CEP85: variants seen among roughly 807,000 people sequenced by gnomAD.
CEP85 encodes centrosomal protein of 85 kDa.
Under a neutral mutation model 93.7 loss-of-function variants are expected in CEP85, and 58 were observed. The observed-to-expected ratio is 0.62, with a 90% CI of 0.50 to 0.77. The LOEUF (loss-of-function observed/expected upper bound fraction) is 0.77. Among genes scored for constraint, CEP85 ranks in the 30% least tolerant of loss-of-function variants. The pLI is 0.00. For missense variants in CEP85, 868 were observed against 922.0 expected (o/e 0.94, Z 0.76); for synonymous variants, 314 against 338.6 (o/e 0.93, Z 0.80).
At chr1:26,269,060 G>A (rs1436532153) in intron 8 of CEP85, among the ~76,000 whole-genome samples, 1 of 152,068 alleles carries the variant, frequency 6.6e-6, no homozygotes, top group Non-Finnish European at 1.5e-5. Flanking sequence ...AGTCACCCTG[G>A]TCACCTGCTC....
At chr1:26,249,983 T>G (rs2089578239) in intron 3 of CEP85, among the ~76,000 whole-genome samples, 1 of 152,174 alleles carries the variant, frequency 6.6e-6, no homozygotes, top group Non-Finnish European at 1.5e-5. Flanking sequence ...GGGGCTCAAG[T>G]AATCCTCCTG....
intron 8 of CEP85, 113 bp downstream of exon 8, chr1:26,268,748 A>G (rs932243872): frequency 2.1e-5 from 23 of 1,107,642 alleles, no homozygotes; most frequent in Non-Finnish European, 2.8e-5. Flanking sequence ...GGAGAATCCC[A>G]AAGCAGTCAT....
intron 12 of CEP85, 124 bp from the exon 13 acceptor site, chr1:26,276,411 A>G (rs931886703): frequency 2.8e-6 from 2 of 718,792 alleles, no homozygotes; most frequent in South Asian, 1.7e-5. Flanking sequence ...TGGCAGGGGT[A>G]GGGTTGGGGA....
In CEP85 at chr1:26,277,404, G is replaced by A; in HGVS notation, c.*111G>A. ...CTATTCCCAGAGAGGTCTCAGAGGG[G>A]AGGGGAGAGCCTGCATCTGGGGGCC... On this transcript the variant is annotated 3_prime_UTR_variant, in exon 14 of 14. Coordinates refer to ENST00000451429, the MANE Select transcript of CEP85 (RefSeq NM_001319944.2). 9.2e-7 allele frequency: 1 copy of A among 1,088,352 alleles called. No individual in the cohort carries two copies. The highest frequency in any genetic ancestry group is 1.3e-6 in the Non-Finnish European group (1 of 753,198). 67.4% of individuals were successfully genotyped at this position (1,088,352 alleles called of 1,614,324 possible).
In CEP85 at chr1:26,278,574, C is replaced by T. The variant is rs2090085961; in HGVS notation, c.*1281C>T. The stretch of plus-strand genomic sequence containing the variant: ...AGTTTGTGTTTTATTTATGGAGTGA[C>T]TTATCCCTTCCATTCAGAGCAGCCC... On this transcript the variant is annotated 3_prime_UTR_variant, in exon 14 of 14. Transcript: ENST00000451429. The T allele has an allele frequency of 6.6e-6, 1 of 152,660 alleles. No homozygotes were observed. The highest frequency in any genetic ancestry group is 2.1e-4 in the South Asian group (1 of 4,838). The allele number at this position is 152,660 out of a possible 1,614,324, so 9.5% of individuals were successfully genotyped here.
intron 11 of CEP85, among the ~76,000 whole-genome samples, chr1:26,274,501 G>T (rs1291619612): frequency 6.6e-6 from 1 of 152,230 alleles, no homozygotes; most frequent in Non-Finnish European, 1.5e-5. Context: ...TGATAGCAAG[G>T]TAGGATTAGG....
chr1:26,245,995 G>T (rs548301830), intron 3 of CEP85, among the ~76,000 whole-genome samples: 2 of 151,204 alleles, frequency 1.3e-5, no homozygotes, highest in South Asian at 4.2e-4. Context: ...AAAAAAGTAA[G>T]TTCAATCACT....
At chr1:26,238,617 A>C (rs750010755) in intron 1 of CEP85, among the ~76,000 whole-genome samples, 4 of 152,220 alleles carry the variant, frequency 2.6e-5, no homozygotes, top group African/African-American at 9.6e-5. Flanking sequence ...TAATAACAGC[A>C]CTTAGTATGT....
chr1:26,254,057 A>G (rs990000161), intron 3 of CEP85, among the ~76,000 whole-genome samples: 1 of 152,070 alleles, frequency 6.6e-6, no homozygotes, highest in Admixed American at 6.6e-5. Flanking sequence ...TTCTGGGAAC[A>G]ATTATAGTAT....
rs58751883 is a variant in CEP85 at position 26,243,991 on chromosome 1, CAAAAAAA to C, written c.56-155_56-149del. ...CTGGGTGACAGAGCAGACTCCGTCT[CAAAAAAA>C]AAAAAAAAAAAAAAAAAAACTAGAT... On this transcript the variant is annotated intron_variant, in intron 2 of 13. Transcript: ENST00000451429. Among the ~76,000 whole-genome samples, 6 of 108,348 alleles carry C rather than the reference CAAAAAAA, an allele frequency of 5.5e-5. No homozygotes were observed. The East Asian group carries it at 1.9e-3, about 35-fold the overall frequency. 71.1% of individuals were successfully genotyped at this position (108,348 alleles called of 152,430 possible).
At chr1:26,240,908 A>AAGG (rs1557647167) in intron 2 of CEP85, among the ~76,000 whole-genome samples, 3 of 151,868 alleles carry the variant, frequency 2.0e-5, no homozygotes, top group African/African-American at 7.3e-5. Flanking sequence ...AAAAAAAAAA[A>AAGG]GGGGAAAAAA....
rs116684706 is a variant in CEP85, at chr1:26,265,565, T to C, written c.1342-2918T>C. Among the ~76,000 whole-genome samples, 971 of 152,312 alleles carry C rather than the reference T, an allele frequency of 6.4e-3. 11 individuals carry two copies. The highest frequency in any genetic ancestry group is 0.021 in the African/African-American group (854 of 41,564). On this transcript the variant is annotated intron_variant, in intron 7 of 13. Transcript: ENST00000451429. The stretch of plus-strand genomic sequence containing the variant: ...GGGGAAGCCCAGGGTGAGGCTGATA[T>C]CTAGCTAATTTGTATATAGATTTCT...
Position 26,277,157 on chromosome 1 carries a change from T to G in CEP85, c.2150T>G (p.Leu717Arg), listed in dbSNP as rs759840858. Residue 717 changes from leucine to arginine, a missense_variant, in exon 14 of 14, where the codon CTA becomes CGA. Physicochemically the swap from Leu to Arg is moderately radical, Grantham distance 102. Transcript: ENST00000451429. ...GCAGCACAGCACCCAGAGACTCAGCTAGATTTGCAGAAGCCAGATGTGATC... is the reference window on the plus strand; with the variant it reads ...GCAGCACAGCACCCAGAGACTCAGCGAGATTTGCAGAAGCCAGATGTGATC... ...GIHSQHPETQ[L>R]DLQKPDVIKR... 2.2e-5 allele frequency: 35 copies of G among 1,613,724 alleles called. No homozygotes were observed. Among genetic ancestry groups the G allele is most frequent in the Non-Finnish European group, 2.9e-5 (34 of 1,179,722 alleles).
In CEP85 at chr1:26,255,156, CTA is replaced by C; in HGVS notation, c.209-13_209-12del. ...TACTTCAATTTTTACTTATGGAAGACTATTCTCTCCCCAGATTTTTGCAGCTC... is the reference window on the plus strand; with the variant it reads ...TACTTCAATTTTTACTTATGGAAGACTTCTCTCCCCAGATTTTTGCAGCTC... On this transcript the variant is annotated splice_polypyrimidine_tract_variant and intron_variant, in intron 3 of 13. Transcript: ENST00000451429. 1 of 1,605,286 alleles carries C rather than the reference CTA, an allele frequency of 6.2e-7. No individual in the cohort carries two copies. The highest frequency in any genetic ancestry group is 8.5e-7 in the Non-Finnish European group (1 of 1,173,354).
intron 9 of CEP85, 89 bp downstream of exon 9, chr1:26,269,703 T>C: frequency 6.6e-6 from 7 of 1,060,008 alleles, no homozygotes; most frequent in Non-Finnish European, 9.7e-6. Context: ...CTTTGGGTGA[T>C]TTGGGAAAAT....
At chr1:26,241,693 A>C (rs1422398489) in intron 2 of CEP85, among the ~76,000 whole-genome samples, 3 of 152,082 alleles carry the variant, frequency 2.0e-5, no homozygotes, top group African/African-American at 7.2e-5. Context: ...CATTCAGATT[A>C]ATAATGGTCT....
chr1:26,275,363 C>T (rs1185181766), intron 12 of CEP85, among the ~76,000 whole-genome samples: 1 of 151,760 alleles, frequency 6.6e-6, no homozygotes, highest in Non-Finnish European at 1.5e-5. Context: ...TCACTGCAAC[C>T]TCCGCCTCCC....
At chr1:26,251,990 T>C (rs2089624487) in intron 3 of CEP85, among the ~76,000 whole-genome samples, 1 of 152,194 alleles carries the variant, frequency 6.6e-6, no homozygotes, top group Admixed American at 6.5e-5. Context: ...CCCAGCACTT[T>C]GGGAGGCCGA....
chr1:26,254,289 A>G (rs940765479), intron 3 of CEP85, among the ~76,000 whole-genome samples: 2 of 152,200 alleles, frequency 1.3e-5, no homozygotes, highest in African/African-American at 4.8e-5. Flanking sequence ...GTTTGCTTGC[A>G]GTAGTCCCCC....
Sources: allele counts gnomAD v4.1 joint callset (sites outside exome capture counted in the v4.1 genomes callset), GRCh38; gene constraint gnomAD v4.1.1; transcripts MANE v1.5; gene names NCBI Gene and HGNC (gene_info 2026-07-23, HGNC 2026-07-21).